F8: variants seen among roughly 807,000 people sequenced by gnomAD.
The protein encoded by F8 is antihemophilic factor.
F8 carries 12 observed loss-of-function variants against 140.6 expected under a neutral mutation model. That is an observed-to-expected ratio of 0.09 (90% CI 0.05 to 0.14). F8 has a LOEUF of 0.14. Ranked by LOEUF, F8 falls within the 10% of genes least tolerant of loss-of-function variation. The probability of loss-of-function intolerance (pLI) is 1.00; values close to 1 mark genes in which losing one functional copy is unlikely to be tolerated. For missense variants in F8, 1,354 were observed against 1,720.7 expected (o/e 0.79, Z 3.77); for synonymous variants, 585 against 614.6 (o/e 0.95, Z 0.71).
intron 6 of F8, among the ~76,000 whole-genome samples, chrX:154,980,714 T>C (rs1006548933): frequency 6.3e-5 from 7 of 111,497 alleles, no homozygotes; most frequent in Admixed American, 2.9e-4. Context: ...ACCTAGCACT[T>C]TAGGAGGCTG....
intron 3 of F8, 39 bp downstream of exon 3, chrX:154,996,934 T>G: frequency 8.3e-7 from 1 of 1,202,980 alleles, no homozygotes. Context: ...ACTGTTCTAT[T>G]CATAGAATGA....
intron 6 of F8, among the ~76,000 whole-genome samples, chrX:154,982,586 T>G (rs1248633459): frequency 1.8e-5 from 2 of 110,843 alleles, no homozygotes; most frequent in African/African-American, 6.6e-5. Flanking sequence ...TTATAAAAAC[T>G]TACATACTTA....
At chrX:154,938,000 G>C (rs28800534) in intron 13 of F8, among the ~76,000 whole-genome samples, 500 of 111,797 alleles carry the variant, frequency 4.5e-3, no homozygotes, top group Non-Finnish European at 7.8e-3. Flanking sequence ...CTTACTATAA[G>C]ATAGTATGTT....
intron 14 of F8, among the ~76,000 whole-genome samples, chrX:154,911,580 C>A (rs1557276769): frequency 9.0e-6 from 1 of 111,432 alleles, no homozygotes; most frequent in African/African-American, 3.3e-5. Context: ...TGTATATATA[C>A]CACACAGTCT....
At chrX:154,966,859 T>G (rs782304338) in intron 7 of F8, among the ~76,000 whole-genome samples, 172 bp from the exon 8 acceptor site, 2 of 108,825 alleles carry the variant, frequency 1.8e-5, no homozygotes, top group Non-Finnish European at 3.8e-5. Context: ...CTCAGGAAGC[T>G]TACAATCATG....
At chrX:154,839,455 C>T (rs868919289) in intron 25 of F8, among the ~76,000 whole-genome samples, 216 of 108,015 alleles carry the variant, frequency 2.0e-3, no homozygotes, top group African/African-American at 6.8e-3. Flanking sequence ...CTCCGCCTCC[C>T]GGGTTCACGC....
At chrX:154,867,174 A>G (rs1033694099) in intron 22 of F8, among the ~76,000 whole-genome samples, 1 of 111,981 alleles carries the variant, frequency 8.9e-6, no homozygotes, top group African/African-American at 3.2e-5. Context: ...ACTAACAACA[A>G]ATAGGGATAT....
At chrX:154,981,734 G>C (rs962634797) in intron 6 of F8, among the ~76,000 whole-genome samples, 1 of 110,320 alleles carries the variant, frequency 9.1e-6, no homozygotes, top group Non-Finnish European at 1.9e-5. Flanking sequence ...AACAATACAG[G>C]TTTGAACTGC....
chrX:154,873,487 C>T (rs1310379203), intron 22 of F8, among the ~76,000 whole-genome samples: 1 of 111,908 alleles, frequency 8.9e-6, no homozygotes, highest in African/African-American at 3.3e-5. Flanking sequence ...CTCAGCCTCC[C>T]AAAGTGCTGG....
intron 13 of F8, among the ~76,000 whole-genome samples, chrX:154,941,195 G>T (rs1557279714): frequency 9.0e-6 from 1 of 111,641 alleles, no homozygotes; most frequent in Admixed American, 9.5e-5. Flanking sequence ...TGGACTAAAT[G>T]CTCCAATTAA....
intron 13 of F8, among the ~76,000 whole-genome samples, chrX:154,945,520 G>A (rs782708158): frequency 8.9e-6 from 1 of 112,130 alleles, no homozygotes; most frequent in South Asian, 3.7e-4. Context: ...CATTTCAATT[G>A]ATGCCAAAAA....
intron 25 of F8, among the ~76,000 whole-genome samples, chrX:154,859,653 A>G (rs1052540514): frequency 6.3e-5 from 7 of 111,458 alleles, no homozygotes; most frequent in African/African-American, 2.0e-4. Context: ...AATCAGAGAT[A>G]TAACCTTTTT....
At chrX:154,943,036 C>G (rs1305332348) in intron 13 of F8, among the ~76,000 whole-genome samples, 1 of 111,359 alleles carries the variant, frequency 9.0e-6, no homozygotes, top group East Asian at 2.8e-4. Flanking sequence ...TAAGAGCTAT[C>G]TATGGCAAAC....
chrX:154,989,728 G>A (rs1392838460), intron 4 of F8, among the ~76,000 whole-genome samples: 1 of 111,622 alleles, frequency 9.0e-6, no homozygotes, highest in Non-Finnish European at 1.9e-5. Flanking sequence ...TCACATAACT[G>A]GCAAGGGATT....
intron 9 of F8, among the ~76,000 whole-genome samples, chrX:154,962,271 T>G (rs1471119012): frequency 8.9e-6 from 1 of 112,071 alleles, no homozygotes; most frequent in Non-Finnish European, 1.9e-5. Flanking sequence ...CAGTTGACAA[T>G]GTAGAGGGCT....
chrX:154,870,689 C>T (rs2072767416), intron 22 of F8, among the ~76,000 whole-genome samples: 1 of 111,659 alleles, frequency 9.0e-6, no homozygotes, highest in Admixed American at 9.5e-5. Flanking sequence ...ATTGGAAGTT[C>T]TGGCCAGGGC....
rs28370212 is a variant in F8 at position 154,930,169 on chromosome X, G to A, written c.3621C>T (p.His1207=). The A allele has an allele frequency of 6.6e-4, 797 of 1,202,977 alleles. 3 individuals carry two copies. In the African/African-American group the frequency reaches 0.012, roughly 19 times the overall value. The change falls in exon 14 of 26, where the codon CAC becomes CAT. Residue 1207 remains histidine (H), a synonymous_variant. Transcript: ENST00000360256. The part of the protein sequence containing the change: ...NLDNLHENNT[H]NQEKKIQEEI... The stretch of plus-strand genomic sequence containing the variant: ...CTTCCTGAATTTTTTTTTCTTGATT[G>A]TGTGTATTATTTTCATGTAAATTAT...
intron 13 of F8, among the ~76,000 whole-genome samples, chrX:154,939,163 T>C (rs1557279450): frequency 9.0e-6 from 1 of 111,093 alleles, no homozygotes; most frequent in African/African-American, 3.3e-5. Context: ...TGCCGGACAG[T>C]GGGTGCAGGA....
rs960994578 is a variant in F8, at chrX:154,862,072, G to T, written c.6575-206C>A. On this transcript the variant is annotated intron_variant, in intron 23 of 25. Transcript: ENST00000360256. ...GATGGAGTCTCGCTTTGTCACCCAGGCTGGAGTGTAGTGGCATGATCTCAG... is the reference window on the plus strand; with the variant it reads ...GATGGAGTCTCGCTTTGTCACCCAGTCTGGAGTGTAGTGGCATGATCTCAG... 5.4e-5 allele frequency among the ~76,000 whole-genome samples: 6 copies of T among 111,046 alleles called. No homozygotes were observed. The South Asian group carries it at 1.5e-3, about 28-fold the overall frequency.
Sources: allele counts gnomAD v4.1 joint callset (sites outside exome capture counted in the v4.1 genomes callset), GRCh38; gene constraint gnomAD v4.1.1; transcripts MANE v1.5; gene names NCBI Gene and HGNC (gene_info 2026-07-23, HGNC 2026-07-21).